Variants in LOXL2 observed in about 807,000 individuals in gnomAD.
LOXL2 encodes the protein lysyl oxidase homolog 2.
LOXL2 carries 70 observed loss-of-function variants against 93.0 expected under a neutral mutation model. The observed-to-expected ratio is 0.75, with a 90% confidence interval of 0.62 to 0.92. The LOEUF is 0.92. LOXL2 is among the 40% of genes least tolerant of loss of function. LOXL2 has a pLI of 0.00. For missense variants in LOXL2, 973 were observed against 1,054.9 expected (o/e 0.92, Z 1.08); for synonymous variants, 438 against 413.2 (o/e 1.06, Z -0.73).
intron 3 of LOXL2, 106 bp downstream of exon 3, chr8:23,359,984 C>G: frequency 1.9e-6 from 2 of 1,063,224 alleles, no homozygotes; most frequent in Non-Finnish European, 2.8e-6. Context: ...GTGAGGTACC[C>G]TCCTTCCTGC....
chr8:23,301,357 G>A (rs1290528044), intron 12 of LOXL2, among the ~76,000 whole-genome samples: 1 of 152,210 alleles, frequency 6.6e-6, no homozygotes, highest in Non-Finnish European at 1.5e-5. Context: ...TTTCAGGAAG[G>A]AGGGAAGCCA....
At chr8:23,309,973 G>T (rs1475925986) in intron 9 of LOXL2, 62 bp from the exon 10 acceptor site, 2 of 1,399,406 alleles carry the variant, frequency 1.4e-6, no homozygotes, top group East Asian at 5.5e-5. Flanking sequence ...TTCTACTTCT[G>T]ATTCTTGAGC....
intron 1 of LOXL2, among the ~76,000 whole-genome samples, chr8:23,391,929 C>A (rs566657554): frequency 1.5e-4 from 23 of 152,282 alleles, no homozygotes; most frequent in Admixed American, 1.1e-3. Context: ...CAGAGAGGCA[C>A]CTTCTGAGCT....
At chr8:23,343,777 G>A (rs1005220601) in intron 3 of LOXL2, among the ~76,000 whole-genome samples, 3 of 152,124 alleles carry the variant, frequency 2.0e-5, no homozygotes, top group Non-Finnish European at 4.4e-5. Context: ...CATTCAGGCC[G>A]CAGGACCCGT....
intron 3 of LOXL2, among the ~76,000 whole-genome samples, chr8:23,347,386 G>A (rs780576818): frequency 5.9e-5 from 9 of 151,880 alleles, no homozygotes; most frequent in East Asian, 1.9e-4. Context: ...GGTGGGGCAC[G>A]GTGGCTCATG....
intron 10 of LOXL2, among the ~76,000 whole-genome samples, chr8:23,307,953 G>GGAAAAAAAAA (rs58347035): frequency 0.061 from 5,101 of 83,496 alleles, 1,819 homozygotes; most frequent in Middle Eastern, 0.15. Flanking sequence ...GCTGCGATAT[G>GGAAAAAAAAA]AAAAAAAAAA....
intron 3 of LOXL2, among the ~76,000 whole-genome samples, chr8:23,350,095 C>A (rs1198146926): frequency 6.6e-6 from 1 of 152,072 alleles, no homozygotes; most frequent in East Asian, 1.9e-4. Context: ...CTCCCCTTTT[C>A]CCTTGAGATC....
intron 2 of LOXL2, chr8:23,363,950 C>G (rs1374379615): frequency 6.6e-6 from 1 of 152,294 alleles, no homozygotes; most frequent in Non-Finnish European, 1.5e-5. Context: ...TCATAGCTCA[C>G]TGCAACTTCC....
At chr8:23,323,061 C>A (rs2117161048) in intron 6 of LOXL2, among the ~76,000 whole-genome samples, 1 of 152,354 alleles carries the variant, frequency 6.6e-6, no homozygotes. Flanking sequence ...GGCCAAAAAC[C>A]AACTTCTAGA....
intron 1 of LOXL2, 152 bp downstream of exon 1, chr8:23,403,802 C>T (rs1369967042): frequency 6.6e-6 from 1 of 152,452 alleles, no homozygotes; most frequent in Non-Finnish European, 1.5e-5. Context: ...GCCTGCACGT[C>T]CTCGCATCGC....
At chr8:23,354,775 A>G (rs1258320429) in intron 3 of LOXL2, among the ~76,000 whole-genome samples, 2 of 151,606 alleles carry the variant, frequency 1.3e-5, no homozygotes, top group African/African-American at 4.9e-5. Context: ...TCTGACCACA[A>G]TACTCCTGGC....
intron 9 of LOXL2, 49 bp downstream of exon 9, chr8:23,316,900 C>A (rs1395533956): frequency 1.3e-6 from 2 of 1,493,742 alleles, no homozygotes. Context: ...ACTGGTGGGA[C>A]TCTGGTCCCC....
intron 1 of LOXL2, among the ~76,000 whole-genome samples, chr8:23,401,798 C>T (rs1800154674): frequency 6.6e-6 from 1 of 152,144 alleles, no homozygotes; most frequent in African/African-American, 2.4e-5. Flanking sequence ...CAGGAGAGGC[C>T]AGTTGGAAAG....
intron 11 of LOXL2, among the ~76,000 whole-genome samples, chr8:23,302,476 C>A (rs748607240): frequency 6.6e-6 from 1 of 152,058 alleles, no homozygotes; most frequent in African/African-American, 2.4e-5. Context: ...CCGAGGAAAT[C>A]TCTGGTGCCT....
chr8:23,315,447 T>C lies in LOXL2; in HGVS notation c.1636+1502A>G, dbSNP rs79249071. ...CCCGCTGCAGACACACTCCCAGTGATGCTTCAGCCTAAGCTGTGGAGCATT... is the reference window on the plus strand; with the variant it reads ...CCCGCTGCAGACACACTCCCAGTGACGCTTCAGCCTAAGCTGTGGAGCATT... On this transcript the variant is annotated intron_variant, in intron 9 of 13. Transcript: ENST00000389131. Among the ~76,000 whole-genome samples, 652 of 152,330 alleles carry C rather than the reference T, an allele frequency of 4.3e-3. 7 individuals carry two copies. The highest frequency in any genetic ancestry group is 0.015 in the African/African-American group (614 of 41,578).
intron 3 of LOXL2, among the ~76,000 whole-genome samples, chr8:23,354,435 T>C (rs995856763): frequency 1.3e-5 from 2 of 152,136 alleles, no homozygotes; most frequent in African/African-American, 2.4e-5. Context: ...CCTTCCAAAC[T>C]GGGGAAAGTC....
At chr8:23,303,490 C>T in intron 10 of LOXL2, 93 bp from the exon 11 acceptor site, 1 of 744,834 alleles carries the variant, frequency 1.3e-6, no homozygotes, top group Non-Finnish European at 2.4e-6. Flanking sequence ...TCTGGGAATA[C>T]TTCCAGGGGA....
chr8:23,368,292 G>C lies in LOXL2; in HGVS notation c.60C>G (p.Ser20=). The C allele has an allele frequency of 6.2e-7, 1 of 1,613,472 alleles. No individual in the cohort carries two copies. The highest frequency in any genetic ancestry group is 8.5e-7 in the Non-Finnish European group (1 of 1,180,026). Residue 20 remains serine (S), a synonymous_variant, in exon 2 of 14, where the codon TCC becomes TCG. Coordinates refer to ENST00000389131, the MANE Select transcript of LOXL2 (RefSeq NM_002318.3). ...CSCLAMLALL[S]PLSLAQYDSW... ...TGTCATACTGTGCCAGGCTCAGGGG[G>C]GACAGGAGGGCCAGCATAGCCAGGC...
At chr8:23,349,854 T>C (rs1486850580) in intron 3 of LOXL2, among the ~76,000 whole-genome samples, 1 of 152,078 alleles carries the variant, frequency 6.6e-6, no homozygotes, top group African/African-American at 2.4e-5. Context: ...GAACCAGTAA[T>C]GATTTTTTCA....
Sources: gnomAD v4.1 joint callset for allele counts (sites outside exome capture counted in the v4.1 genomes callset) on GRCh38, gnomAD v4.1.1 for gene constraint, MANE v1.5 for transcripts, NCBI Gene and HGNC (gene_info 2026-07-23, HGNC 2026-07-21) for gene names.